The following NAV3 variants were observed in gnomAD, a reference collection of about 807,000 sequenced individuals.
The protein encoded by NAV3 is pore membrane and/or filament interacting like protein 1.
In NAV3, 87 loss-of-function variants were observed where a neutral mutation model predicts 244.7. The ratio of observed to expected loss-of-function variants is 0.36; its 90% CI spans 0.30 to 0.42. The LOEUF (loss-of-function observed/expected upper bound fraction) is 0.42, where lower values mean the gene tolerates loss of function less well. NAV3 is among the 20% of genes least tolerant of loss of function. NAV3 has a pLI of 1.00. For missense variants in NAV3, 2,663 were observed against 2,893.3 expected (o/e 0.92, Z 1.83); for synonymous variants, 1,126 against 1,042.2 (o/e 1.08, Z -1.55).
chr12:77,927,494 T>A (rs74657509), intron 1 of NAV3, among the ~76,000 whole-genome samples: 2,593 of 152,348 alleles, frequency 0.017, 51 homozygotes, highest in African/African-American at 0.045. Context: ...TGTTTTAGAA[T>A]CTTCATCTTT....
At chr12:77,977,689 TACACACACACACACACACACGCGCAC>T (rs1868712255) in intron 5 of NAV3, among the ~76,000 whole-genome samples, 1 of 141,942 alleles carries the variant, frequency 7.0e-6, no homozygotes, top group African/African-American at 2.6e-5. Context: ...GATATATATA[TACACACACACACACACACACGCGCAC>T]ACACACACAC....
rs139704363 is a variant in NAV3, at chr12:78,111,555, G to C, written c.2637-5217G>C. On this transcript the variant is annotated intron_variant, in intron 12 of 39. Coordinates refer to ENST00000397909, the MANE Select transcript of NAV3 (RefSeq NM_001024383.2). ...CATCAGAGAAATACAAAATAAAATG[G>C]TAATGAAATACTACTAGATAGGCTT... Among the ~76,000 whole-genome samples, 82 of 152,140 alleles carry C rather than the reference G, an allele frequency of 5.4e-4. 2 individuals are homozygous for C. The highest frequency in any genetic ancestry group is 1.8e-3 in the African/African-American group (73 of 41,530).
intron 1 of NAV3, among the ~76,000 whole-genome samples, chr12:77,869,336 T>C (rs1288666238): frequency 6.6e-6 from 1 of 152,160 alleles, no homozygotes; most frequent in Non-Finnish European, 1.5e-5. Context: ...TTAATAAATA[T>C]TAAGTAAAAA....
At chr12:77,793,080 A>C (rs1426584634) in intron 2 of NAV3, among the ~76,000 whole-genome samples, 1 of 152,216 alleles carries the variant, frequency 6.6e-6, no homozygotes, top group African/African-American at 2.4e-5. Context: ...CCACACAGCA[A>C]ATAAAAATAC....
chr12:77,828,455 T>A (rs1446342633), upstream of NAV3, among the ~76,000 whole-genome samples: 1 of 152,204 alleles, frequency 6.6e-6, no homozygotes, highest in Non-Finnish European at 1.5e-5. Flanking sequence ...ATCTATATTT[T>A]AGTAAGCACT....
chr12:78,135,122 C>A (rs1053779629), intron 18 of NAV3, among the ~76,000 whole-genome samples: 4 of 152,136 alleles, frequency 2.6e-5, no homozygotes, highest in African/African-American at 9.7e-5. Flanking sequence ...AATTTGTGTT[C>A]CATTCAAAAA....
chr12:77,914,037 T>C (rs1886883771), intron 1 of NAV3, among the ~76,000 whole-genome samples: 1 of 152,084 alleles, frequency 6.6e-6, no homozygotes, highest in African/African-American at 2.4e-5. Context: ...CCCTCACCTC[T>C]GAGCCATGAG....
intron 2 of NAV3, among the ~76,000 whole-genome samples, chr12:77,792,011 A>C (rs1871199614): frequency 6.6e-6 from 1 of 152,200 alleles, no homozygotes; most frequent in Admixed American, 6.5e-5. Context: ...GTGGATATTG[A>C]GTGACAACTG....
intron 4 of NAV3, among the ~76,000 whole-genome samples, chr12:77,967,454 G>A (rs1312173278): frequency 6.6e-6 from 1 of 151,824 alleles, no homozygotes; most frequent in Non-Finnish European, 1.5e-5. Context: ...CAACTCAGAG[G>A]GTCATTTTAT....
upstream of NAV3, among the ~76,000 whole-genome samples, chr12:77,830,591 A>G (rs976082542): frequency 7.2e-5 from 11 of 152,162 alleles, no homozygotes; most frequent in African/African-American, 2.4e-4. Context: ...TGTTTACTCT[A>G]TTTTCATAAC....
intron 2 of NAV3, among the ~76,000 whole-genome samples, chr12:77,756,879 A>T (rs925487476): frequency 2.0e-5 from 3 of 152,120 alleles, no homozygotes; most frequent in Admixed American, 1.3e-4. Flanking sequence ...TGCTAAACAG[A>T]TTCTTCTTAG....
chr12:77,979,083 A>T (rs1319186509), intron 5 of NAV3, among the ~76,000 whole-genome samples: 1 of 151,748 alleles, frequency 6.6e-6, no homozygotes, highest in Non-Finnish European at 1.5e-5. Context: ...CTGTCTCAAA[A>T]ATCATAATTG....
intron 5 of NAV3, among the ~76,000 whole-genome samples, chr12:77,978,822 T>C (rs1448319489): frequency 2.0e-5 from 3 of 151,920 alleles, no homozygotes; most frequent in African/African-American, 7.3e-5. Context: ...GTCTTTCTGA[T>C]TGATCTCTCA....
At chr12:77,774,350 A>T (rs1371901815) in intron 2 of NAV3, among the ~76,000 whole-genome samples, 1 of 152,072 alleles carries the variant, frequency 6.6e-6, no homozygotes, top group East Asian at 1.9e-4. Flanking sequence ...TCACAAGTTG[A>T]TGCTGATCAT....
In NAV3 at chr12:77,883,421, G is replaced by A. The variant is rs116920393; in HGVS notation, c.243+51717G>A. On this transcript the variant is annotated intron_variant, in intron 1 of 39. Transcript: ENST00000397909. ...CATGGAGATAACCATGGGAACAATA[G>A]ACCCTGCTAGACTACTAGATAGGTT... 3.0e-3 allele frequency among the ~76,000 whole-genome samples: 453 copies of A among 152,036 alleles called. 2 individuals carry two copies. Among genetic ancestry groups the A allele is most frequent in the Admixed American group, 7.5e-3 (115 of 15,238 alleles).
chr12:78,128,958 T>G, intron 18 of NAV3, 92 bp downstream of exon 18: 1 of 1,222,576 alleles, frequency 8.2e-7, no homozygotes, highest in Non-Finnish European at 1.1e-6. Flanking sequence ...CAACACGTTT[T>G]CATTTAAAGG....
At chr12:77,591,412 C>A (rs558199610) in intron 2 of NAV3, among the ~76,000 whole-genome samples, 1 of 152,038 alleles carries the variant, frequency 6.6e-6, no homozygotes, top group Non-Finnish European at 1.5e-5. Context: ...TTGTGATGTT[C>A]GTTATTTAAT....
At chr12:78,103,409 A>T (rs1392986293) in intron 12 of NAV3, among the ~76,000 whole-genome samples, 1 of 152,070 alleles carries the variant, frequency 6.6e-6, no homozygotes, top group Non-Finnish European at 1.5e-5. Flanking sequence ...AAAGCCATTC[A>T]ACAAGTCTCT....
chr12:78,099,233 C>T (rs1593576365), intron 12 of NAV3, among the ~76,000 whole-genome samples: 1 of 150,496 alleles, frequency 6.6e-6, no homozygotes, highest in South Asian at 2.1e-4. Context: ...ATATAATAGT[C>T]CATATGATAT....
Sources: gnomAD v4.1 joint callset for allele counts (sites outside exome capture counted in the v4.1 genomes callset) on GRCh38, gnomAD v4.1.1 for gene constraint, MANE v1.5 for transcripts, NCBI Gene and HGNC (gene_info 2026-07-23, HGNC 2026-07-21) for gene names.